Variants in ITPRID1 observed in about 807,000 individuals in gnomAD.
ITPRID1 encodes the protein ITPR interacting domain containing 1.
ITPRID1 carries 96 observed loss-of-function variants against 95.4 expected under a neutral mutation model. The ratio of observed to expected loss-of-function variants is 1.01; its 90% CI spans 0.85 to 1.19. The LOEUF is 1.19. Ranked by LOEUF, ITPRID1 falls within the 50% of genes most tolerant of loss-of-function variation. The probability of loss-of-function intolerance (pLI) is 0.00; values close to 1 mark genes in which losing one functional copy is unlikely to be tolerated. For synonymous variants in ITPRID1, 510 were observed against 453.6 expected, an observed-to-expected ratio of 1.12 and a Z score of -1.58; for missense variants, 1,339 against 1,252.9, an observed-to-expected ratio of 1.07 and a Z score of -1.04.
At chr7:31,557,302 A>G (rs1162658994) in intron 5 of ITPRID1, among the ~76,000 whole-genome samples, 1 of 152,040 alleles carries the variant, frequency 6.6e-6, no homozygotes, top group Non-Finnish European at 1.5e-5. Context: ...GCAAGATCTA[A>G]GTGTCTTCAT....
intron 1 of ITPRID1, among the ~76,000 whole-genome samples, chr7:31,539,259 A>C (rs976196511): frequency 6.6e-6 from 1 of 152,144 alleles, no homozygotes; most frequent in Non-Finnish European, 1.5e-5. Flanking sequence ...ATCTTGGCTC[A>C]CTGCAGCCTC....
chr7:31,515,502 G>A (rs1783015598), intron 1 of ITPRID1, among the ~76,000 whole-genome samples: 1 of 152,134 alleles, frequency 6.6e-6, no homozygotes, highest in Admixed American at 6.5e-5. Flanking sequence ...TTGAACCTGA[G>A]AGGCAGAGTT....
chr7:31,586,292 A>G (rs1209683986), intron 10 of ITPRID1, among the ~76,000 whole-genome samples: 2 of 144,500 alleles, frequency 1.4e-5, no homozygotes, highest in South Asian at 2.3e-4. Flanking sequence ...TAATGCCGCA[A>G]TAAACATACG....
chr7:31,536,294 A>AT (rs1783756012), intron 1 of ITPRID1, among the ~76,000 whole-genome samples: 1 of 151,678 alleles, frequency 6.6e-6, no homozygotes, highest in African/African-American at 2.4e-5. Context: ...GTACCACATT[A>AT]TTTTTCATGT....
intron 10 of ITPRID1, among the ~76,000 whole-genome samples, chr7:31,623,338 T>C (rs1398854163): frequency 1.3e-5 from 2 of 151,910 alleles, no homozygotes; most frequent in South Asian, 2.1e-4. Flanking sequence ...TGATGAACAT[T>C]GATGCAAAAA....
intron 5 of ITPRID1, among the ~76,000 whole-genome samples, chr7:31,556,102 G>A (rs868092812): frequency 1.3e-5 from 2 of 151,978 alleles, no homozygotes; most frequent in Admixed American, 1.3e-4. Flanking sequence ...GGAGTCATCA[G>A]TAACCATACT....
chr7:31,648,333 AG>A (rs1790664171), intron 12 of ITPRID1, among the ~76,000 whole-genome samples: 1 of 139,210 alleles, frequency 7.2e-6, no homozygotes, highest in African/African-American at 2.5e-5. Flanking sequence ...TGTAAGAAAA[AG>A]AAGAAGAAGA....
chr7:31,515,868 A>C (rs958565025), intron 1 of ITPRID1, among the ~76,000 whole-genome samples: 1 of 152,192 alleles, frequency 6.6e-6, no homozygotes, highest in African/African-American at 2.4e-5. Context: ...GGAGCAGGGA[A>C]CAAGCAGCTC....
intron 7 of ITPRID1, among the ~76,000 whole-genome samples, chr7:31,573,740 T>C (rs575241772): frequency 2.2e-4 from 34 of 151,746 alleles, no homozygotes; most frequent in African/African-American, 7.7e-4. Context: ...CAGACATGAA[T>C]TGGCATACAT....
chr7:31,588,486 C>G (rs569041157), intron 10 of ITPRID1, among the ~76,000 whole-genome samples: 1 of 151,696 alleles, frequency 6.6e-6, no homozygotes, highest in African/African-American at 2.4e-5. Flanking sequence ...CAAAAATTAG[C>G]TGGGCATGGT....
chr7:31,545,863 G>T (rs569233377), intron 1 of ITPRID1, among the ~76,000 whole-genome samples: 3 of 152,252 alleles, frequency 2.0e-5, no homozygotes, highest in South Asian at 4.1e-4. Flanking sequence ...ACAAGTGTTT[G>T]TGGGACTTTA....
At chr7:31,560,170 C>T (rs1784579121) in intron 5 of ITPRID1, among the ~76,000 whole-genome samples, 1 of 152,158 alleles carries the variant, frequency 6.6e-6, no homozygotes, top group African/African-American at 2.4e-5. Context: ...AATAAGATGG[C>T]ATATGCAAAG....
At chr7:31,616,778 A>C (rs1464063210) in intron 10 of ITPRID1, among the ~76,000 whole-genome samples, 1 of 148,438 alleles carries the variant, frequency 6.7e-6, no homozygotes, top group East Asian at 1.9e-4. Flanking sequence ...AAAACCAAAA[A>C]GGTTTCTAAA....
At chr7:31,606,318 A>G (rs1786619725) in intron 10 of ITPRID1, among the ~76,000 whole-genome samples, 1 of 152,202 alleles carries the variant, frequency 6.6e-6, no homozygotes, top group Admixed American at 6.5e-5. Context: ...ACCACCTAGA[A>G]GCTCAATAAA....
At chr7:31,597,808 G>T (rs192271124) in intron 10 of ITPRID1, among the ~76,000 whole-genome samples, 2 of 152,134 alleles carry the variant, frequency 1.3e-5, no homozygotes, top group East Asian at 3.9e-4. Flanking sequence ...TACAAGTAAA[G>T]GGCCAAGGAA....
At position 31,550,901 on chromosome 7, in the gene ITPRID1, G is replaced by T. The variant is rs937759633; in HGVS notation, c.-24+1402G>T. Among the ~76,000 whole-genome samples, 5 of 142,496 alleles carry T rather than the reference G, an allele frequency of 3.5e-5. 1 individual carries two copies. The highest frequency in any genetic ancestry group is 7.9e-5 in the Non-Finnish European group (5 of 63,300). The allele number at this position is 142,496 out of a possible 152,430, so 93.5% of individuals were successfully genotyped here. A position where few individuals can be genotyped will look rare whatever the true frequency, so the allele number is the denominator to read the frequency against. ...CTAAAATTTTAACAATTTTCTCCAG[G>T]GTTACATTTGAAAAAGCAGTCACTA... On this transcript the variant is annotated intron_variant, in intron 2 of 14. Coordinates refer to ENST00000615280, the MANE Select transcript of ITPRID1 (RefSeq NM_001257967.3).
At chr7:31,521,893 G>C (rs554435603) in intron 1 of ITPRID1, among the ~76,000 whole-genome samples, 3 of 132,918 alleles carry the variant, frequency 2.3e-5, no homozygotes, top group South Asian at 5.2e-4. Flanking sequence ...ACCTCCACAT[G>C]GGCTAATTTA....
At chr7:31,575,346 T>C (rs139920145) in intron 8 of ITPRID1, among the ~76,000 whole-genome samples, 133 of 152,332 alleles carry the variant, frequency 8.7e-4, no homozygotes, top group African/African-American at 3.1e-3. Context: ...GTGATAGTTA[T>C]TAATCTGCCA....
At chr7:31,636,596 A>G (rs538093082) in intron 10 of ITPRID1, among the ~76,000 whole-genome samples, 46 of 152,258 alleles carry the variant, frequency 3.0e-4, no homozygotes, top group Non-Finnish European at 6.0e-4. Flanking sequence ...ATGCCTATAT[A>G]GTCTGGGAGT....
Sources: gnomAD v4.1 joint callset for allele counts (sites outside exome capture counted in the v4.1 genomes callset) on GRCh38, gnomAD v4.1.1 for gene constraint, MANE v1.5 for transcripts, NCBI Gene and HGNC (gene_info 2026-07-23, HGNC 2026-07-21) for gene names.